The following LMNB1 variants were observed in gnomAD, a reference collection of about 807,000 sequenced individuals.
LMNB1 encodes the protein lamin-B1.
In LMNB1, 23 loss-of-function variants were observed where a neutral mutation model predicts 67.1. The observed-to-expected ratio is 0.34, with a 90% CI of 0.25 to 0.49. LMNB1 has a LOEUF of 0.49. Ranked by LOEUF, LMNB1 falls within the 20% of genes least tolerant of loss-of-function variation. LMNB1 has a pLI of 0.99. For missense variants in LMNB1, 634 were observed against 746.5 expected (o/e 0.85, Z 1.76); for synonymous variants, 281 against 282.9 (o/e 0.99, Z 0.07).
intron 9 of LMNB1, among the ~76,000 whole-genome samples, chr5:126,828,405 G>T (rs756848281): frequency 6.6e-6 from 1 of 152,092 alleles, no homozygotes; most frequent in African/African-American, 2.4e-5. Context: ...CCAAAAAATA[G>T]ATACAGTGAC....
At chr5:126,796,515 A>G (rs1334135771) in intron 1 of LMNB1, among the ~76,000 whole-genome samples, 2 of 152,210 alleles carry the variant, frequency 1.3e-5, no homozygotes, top group Non-Finnish European at 2.9e-5. Flanking sequence ...AACAACCAGC[A>G]TGATTAAAGC....
intron 1 of LMNB1, among the ~76,000 whole-genome samples, chr5:126,794,296 T>C (rs1161276770): frequency 6.6e-6 from 1 of 152,230 alleles, no homozygotes; most frequent in African/African-American, 2.4e-5. Flanking sequence ...GGAAAAATAC[T>C]GTGGATCACA....
Position 126,819,099 on chromosome 5 carries a change from GAAATCAGT to G in LMNB1, c.1118_1125del (p.Glu373GlyfsTer33). The G allele has an allele frequency of 6.2e-7, 1 of 1,614,136 alleles. No homozygotes were observed. Among genetic ancestry groups the G allele is most frequent in the Non-Finnish European group, 8.5e-7 (1 of 1,180,004 alleles). On this transcript the variant is annotated frameshift_variant, in exon 6 of 11. Transcript: ENST00000261366. LOFTEE classifies it high-confidence loss of function. Reference sequence around the variant, plus strand: ...TGATGTAAAGTTAGCCCTGGACATGGAAATCAGTGCTTACAGGAAACTCTTAGAAGGCG... The same window carrying G: ...TGATGTAAAGTTAGCCCTGGACATGGGCTTACAGGAAACTCTTAGAAGGCG...
intron 3 of LMNB1, among the ~76,000 whole-genome samples, chr5:126,809,208 A>G (rs1169224830): frequency 6.6e-6 from 1 of 152,178 alleles, no homozygotes; most frequent in Non-Finnish European, 1.5e-5. Context: ...ACTTCCTTAA[A>G]ACAGAGTAAA....
At position 126,836,938 on chromosome 5, in the gene LMNB1, A is replaced by T. The variant is rs985422275; in HGVS notation, c.*674A>T. On this transcript the variant is annotated 3_prime_UTR_variant, in exon 11 of 11. Transcript: ENST00000261366. Reference sequence around the variant, plus strand: ...GGGAAGGGTTTCTCTATTAAAATGCATTCGTTGTGTTTTTTAAGATAGTGT... The same window carrying T: ...GGGAAGGGTTTCTCTATTAAAATGCTTTCGTTGTGTTTTTTAAGATAGTGT... 2 of 398,144 alleles carry T rather than the reference A, an allele frequency of 5.0e-6. No individual in the cohort carries two copies. Among genetic ancestry groups the T allele is most frequent in the Non-Finnish European group, 8.9e-6 (2 of 225,854 alleles). The allele number at this position is 398,144 out of a possible 1,614,324, so 24.7% of individuals were successfully genotyped here.
rs70997314 is a variant in LMNB1, at chr5:126,795,933, C to CTTTTTTTTTTTTTTTTTTTTTT, written c.360-8827_360-8826insTTTTTTTTTTTTTTTTTTTTTT. 1.1e-4 allele frequency among the ~76,000 whole-genome samples: 9 copies of CTTTTTTTTTTTTTTTTTTTTTT among 82,096 alleles called. 2 individuals are homozygous for CTTTTTTTTTTTTTTTTTTTTTT. Among genetic ancestry groups the CTTTTTTTTTTTTTTTTTTTTTT allele is most frequent in the African/African-American group, 4.1e-4 (9 of 22,170 alleles). 53.9% of individuals were successfully genotyped at this position (82,096 alleles called of 152,430 possible). Reference sequence around the variant, plus strand: ...GAGCCACTGCGCCTGGCCCAGGATGCTTTTTTTTTTTTTTTTGAGACGGAG... The same window carrying CTTTTTTTTTTTTTTTTTTTTTT: ...GAGCCACTGCGCCTGGCCCAGGATGCTTTTTTTTTTTTTTTTTTTTTTTTTTTTTTTTTTTTTTGAGACGGAG... On this transcript the variant is annotated intron_variant, in intron 1 of 10. Coordinates refer to ENST00000261366, the MANE Select transcript of LMNB1 (RefSeq NM_005573.4).
At chr5:126,789,832 CCCGA>C (rs2112932091) in intron 1 of LMNB1, among the ~76,000 whole-genome samples, 1 of 152,218 alleles carries the variant, frequency 6.6e-6, no homozygotes, top group Non-Finnish European at 1.5e-5. Context: ...TACCAACGAG[CCCGA>C]CTAATTTTTT....
At chr5:126,808,498 T>G (rs996795298) in intron 3 of LMNB1, among the ~76,000 whole-genome samples, 2 of 152,032 alleles carry the variant, frequency 1.3e-5, no homozygotes, top group African/African-American at 4.8e-5. Flanking sequence ...TTAACTTTTT[T>G]TTTTTACATT....
chr5:126,835,292 A>G (rs568710022), intron 10 of LMNB1, among the ~76,000 whole-genome samples: 67 of 152,368 alleles, frequency 4.4e-4, no homozygotes, highest in African/African-American at 1.6e-3. Context: ...TTGAGGATGA[A>G]TCCAATCGCC....
chr5:126,796,945 T>C (rs957448974), intron 1 of LMNB1, among the ~76,000 whole-genome samples: 1 of 152,116 alleles, frequency 6.6e-6, no homozygotes, highest in Non-Finnish European at 1.5e-5. Flanking sequence ...TGGACCACCA[T>C]GTCCGGCTAA....
intron 3 of LMNB1, among the ~76,000 whole-genome samples, chr5:126,809,612 G>T (rs1218009771): frequency 6.6e-6 from 1 of 152,104 alleles, no homozygotes. Context: ...GCTTGAACCC[G>T]GGAGGCGGAG....
At chr5:126,798,134 A>AAAAAC (rs1491547500) in intron 1 of LMNB1, among the ~76,000 whole-genome samples, 2 of 148,094 alleles carry the variant, frequency 1.4e-5, no homozygotes, top group Non-Finnish European at 3.0e-5. Flanking sequence ...AGACCGTCTC[A>AAAAAC]AAACAAACAA....
intron 1 of LMNB1, among the ~76,000 whole-genome samples, chr5:126,797,196 G>C (rs1478384681): frequency 1.3e-5 from 2 of 152,200 alleles, no homozygotes; most frequent in African/African-American, 4.8e-5. Context: ...TTTATTAAGG[G>C]AGGAAATTCT....
intron 1 of LMNB1, among the ~76,000 whole-genome samples, chr5:126,780,502 A>G (rs1488798598): frequency 6.6e-6 from 1 of 152,208 alleles, no homozygotes; most frequent in Non-Finnish European, 1.5e-5. Context: ...AGCGGGGTTA[A>G]AAAATGAGAA....
chr5:126,826,024 C>G lies in LMNB1; in HGVS notation c.1528C>G (p.Pro510Ala), dbSNP rs765894554. The change falls in exon 9 of 11, where the codon CCA becomes GCA. Residue 510 changes from proline (P) to alanine (A), a missense_variant. Physicochemically the swap from Pro to Ala is conservative, Grantham distance 27. Transcript: ENST00000261366. Reference sequence around the variant, plus strand: ...AAACGCTGGTGTCACAGCCAGCCCCCCAACTGACCTCATCTGGAAGAACCA... The same window carrying G: ...AAACGCTGGTGTCACAGCCAGCCCCGCAACTGACCTCATCTGGAAGAACCA... The part of the protein sequence containing the change: ...AANAGVTASP[P>A]TDLIWKNQNS... 5.6e-6 allele frequency: 9 copies of G among 1,613,960 alleles called. No homozygotes were observed. Among genetic ancestry groups the G allele is most frequent in the South Asian group, 1.1e-5 (1 of 91,078 alleles).
chr5:126,820,915 A>G lies in LMNB1; in HGVS notation c.1166A>G (p.Lys389Arg). The part of the protein sequence containing the change: ...KLLEGEEERL[K>R]LSPSPSSRVT... Reference sequence around the variant, plus strand: ...GTTTTATTTTTCCCATATAGGTTGAAGCTGTCTCCAAGCCCTTCTTCCCGT... The same window carrying G: ...GTTTTATTTTTCCCATATAGGTTGAGGCTGTCTCCAAGCCCTTCTTCCCGT... Residue 389 changes from lysine to arginine, a missense_variant, in exon 7 of 11, where the codon AAG (lysine) becomes AGG (arginine). Coordinates refer to ENST00000261366, the MANE Select transcript of LMNB1 (RefSeq NM_005573.4). 1 of 1,611,988 alleles carries G rather than the reference A, an allele frequency of 6.2e-7. No individual in the cohort carries two copies. Among genetic ancestry groups the G allele is most frequent in the Non-Finnish European group, 8.5e-7 (1 of 1,178,274 alleles).
intron 9 of LMNB1, among the ~76,000 whole-genome samples, chr5:126,831,955 GC>G (rs1044617148): frequency 4.0e-5 from 6 of 151,862 alleles, no homozygotes; most frequent in African/African-American, 1.5e-4. Flanking sequence ...AGCTCCCCCC[GC>G]CCCACCCCTT....
intron 1 of LMNB1, among the ~76,000 whole-genome samples, chr5:126,787,458 CAT>C (rs767313067): frequency 7.0e-5 from 10 of 142,402 alleles, no homozygotes; most frequent in South Asian, 4.4e-4. Flanking sequence ...TTATATATAA[CAT>C]ATACTTTATG....
intron 3 of LMNB1, among the ~76,000 whole-genome samples, chr5:126,808,455 C>T (rs1337766505): frequency 1.3e-5 from 2 of 151,678 alleles, no homozygotes; most frequent in African/African-American, 4.8e-5. Flanking sequence ...TCCCAAAGTG[C>T]TGGGATTACA....
Sources: gnomAD v4.1 joint callset for allele counts (sites outside exome capture counted in the v4.1 genomes callset) on GRCh38, gnomAD v4.1.1 for gene constraint, MANE v1.5 for transcripts, NCBI Gene and HGNC (gene_info 2026-07-23, HGNC 2026-07-21) for gene names.